Variants in CDH22 observed in about 807,000 individuals in gnomAD.
CDH22 encodes cadherin 22.
In CDH22, 30 loss-of-function variants were observed where a neutral mutation model predicts 58.4. The observed-to-expected ratio is 0.51, with a 90% CI of 0.38 to 0.70. CDH22 has a LOEUF of 0.70. CDH22 is among the 30% of genes least tolerant of loss of function. The pLI is 0.00. For missense variants in CDH22, 1,014 were observed against 1,233.9 expected, an observed-to-expected ratio of 0.82 and a Z score of 2.67; for synonymous variants, 513 against 558.2, an observed-to-expected ratio of 0.92 and a Z score of 1.14.
At chr20:46,306,077 G>C (rs959466840) in intron 1 of CDH22, among the ~76,000 whole-genome samples, 1 of 152,264 alleles carries the variant, frequency 6.6e-6, no homozygotes, top group Non-Finnish European at 1.5e-5. Flanking sequence ...GCTACTCGGC[G>C]TCTCTGCTAA....
At chr20:46,287,549 A>C (rs1458366493) in intron 1 of CDH22, among the ~76,000 whole-genome samples, 1 of 151,804 alleles carries the variant, frequency 6.6e-6, no homozygotes, top group African/African-American at 2.4e-5. Flanking sequence ...GGCTGGATGG[A>C]TTTTGCCAAG....
chr20:46,199,072 C>G (rs997904209), intron 8 of CDH22, among the ~76,000 whole-genome samples: 1 of 152,110 alleles, frequency 6.6e-6, no homozygotes, highest in Admixed American at 6.5e-5. Flanking sequence ...GGCTGGATCC[C>G]CAACCCCTAA....
intron 7 of CDH22, among the ~76,000 whole-genome samples, chr20:46,207,388 G>A (rs551129467): frequency 2.0e-5 from 3 of 152,264 alleles, no homozygotes; most frequent in South Asian, 4.1e-4. Context: ...CTCCCGCTCC[G>A]TGTTCTTACC....
chr20:46,199,747 G>A (rs1285100768), intron 7 of CDH22, among the ~76,000 whole-genome samples, 188 bp from the exon 8 acceptor site: 1 of 152,184 alleles, frequency 6.6e-6, no homozygotes, highest in Non-Finnish European at 1.5e-5. Flanking sequence ...ACGGGTAGCT[G>A]CTGTGACCAT....
chr20:46,260,359 A>G (rs994777013), intron 1 of CDH22, among the ~76,000 whole-genome samples: 1 of 152,132 alleles, frequency 6.6e-6, no homozygotes, highest in Non-Finnish European at 1.5e-5. Context: ...TAGGTCTTGA[A>G]TCCACTTCCA....
intron 1 of CDH22, among the ~76,000 whole-genome samples, chr20:46,267,780 C>T (rs1007885383): frequency 5.9e-5 from 9 of 152,368 alleles, no homozygotes; most frequent in South Asian, 2.1e-4. Flanking sequence ...TACTTATAAA[C>T]GCTGCTTTAA....
chr20:46,187,460 T>A (rs1327928822), intron 8 of CDH22, among the ~76,000 whole-genome samples: 1 of 150,722 alleles, frequency 6.6e-6, no homozygotes, highest in Non-Finnish European at 1.5e-5. Flanking sequence ...GTCATCACCA[T>A]CACTACCATC....
At position 46,223,658 on chromosome 20, in the gene CDH22, TTTCTTTCC is replaced by T. The variant is rs1429709088; in HGVS notation, c.670+3842_670+3849del. On this transcript the variant is annotated intron_variant, in intron 4 of 11. Coordinates refer to ENST00000537909, the MANE Select transcript of CDH22 (RefSeq NM_021248.3). ...CTTTCTTTCTTTCTTTCTCTTTCTT[TTTCTTTCC>T]TTCTTTCTTTCTTTCTTTCTTTCTT... Among the ~76,000 whole-genome samples the T allele has an allele frequency of 8.6e-4, 116 of 135,394 alleles. 2 individuals carry two copies. Among genetic ancestry groups the T allele is most frequent in the Middle Eastern group, 3.8e-3 (1 of 266 alleles). The allele number at this position is 135,394 out of a possible 152,430, so 88.8% of individuals were successfully genotyped here. A position where few individuals can be genotyped will look rare whatever the true frequency, so the allele number is the denominator to read the frequency against.
intron 2 of CDH22, among the ~76,000 whole-genome samples, chr20:46,245,060 A>G (rs1180897450): frequency 6.6e-6 from 1 of 152,148 alleles, no homozygotes; most frequent in Non-Finnish European, 1.5e-5. Flanking sequence ...GAAGATTCAT[A>G]AGATAATATA....
intron 1 of CDH22, among the ~76,000 whole-genome samples, chr20:46,274,467 G>C (rs1222878927): frequency 6.6e-6 from 1 of 152,146 alleles, no homozygotes; most frequent in Non-Finnish European, 1.5e-5. Flanking sequence ...TTCCATCCTT[G>C]TTCCACTGTA....
intron 7 of CDH22, among the ~76,000 whole-genome samples, chr20:46,203,099 G>A (rs2085973974): frequency 6.6e-6 from 1 of 152,098 alleles, no homozygotes; most frequent in Non-Finnish European, 1.5e-5. Flanking sequence ...GGGAAGGGAG[G>A]GGCTGGAATC....
chr20:46,199,615 T>C lies in CDH22; in HGVS notation c.1287-56A>G, dbSNP rs1327943935. Reference sequence around the variant, plus strand: ...GTGCCCCAGTGCCAAATGGAGCCCATGTCCTTTTCTCCCAACCCCACTCCA... The same window carrying C: ...GTGCCCCAGTGCCAAATGGAGCCCACGTCCTTTTCTCCCAACCCCACTCCA... On this transcript the variant is annotated intron_variant, in intron 7 of 11. Coordinates refer to ENST00000537909, the MANE Select transcript of CDH22 (RefSeq NM_021248.3). 7.0e-6 allele frequency: 11 copies of C among 1,579,224 alleles called. No homozygotes were observed. The Admixed American group carries it at 1.8e-4, about 26-fold the overall frequency.
chr20:46,181,752 C>CTTCGTTCTTTCTTTCTTTCTTTCT, intron 10 of CDH22, among the ~76,000 whole-genome samples: 2 of 26,264 alleles, frequency 7.6e-5, no homozygotes, highest in South Asian at 2.8e-3. Context: ...TCCTTCCTTC[C>CTTCGTTCTTTCTTTCTTTCTTTCT]TTCTTTCTTT....
At chr20:46,236,632 T>C (rs1343047881) in intron 3 of CDH22, among the ~76,000 whole-genome samples, 1 of 135,320 alleles carries the variant, frequency 7.4e-6, no homozygotes, top group Non-Finnish European at 1.5e-5. Context: ...TCTATATTTG[T>C]ATATATTTAT....
intron 8 of CDH22, among the ~76,000 whole-genome samples, chr20:46,192,829 C>T (rs1490157611): frequency 1.3e-5 from 2 of 151,962 alleles, no homozygotes; most frequent in East Asian, 1.9e-4. Context: ...GTGAGGCGCA[C>T]GGGACGAGCA....
At chr20:46,177,562 C>G (rs938786778) in intron 11 of CDH22, among the ~76,000 whole-genome samples, 1 of 152,132 alleles carries the variant, frequency 6.6e-6, no homozygotes, top group Non-Finnish European at 1.5e-5. Context: ...TGACCCCCAG[C>G]GCTTTCATCT....
At chr20:46,233,102 G>C (rs370458871) in intron 3 of CDH22, among the ~76,000 whole-genome samples, 1 of 152,192 alleles carries the variant, frequency 6.6e-6, no homozygotes, top group East Asian at 1.9e-4. Flanking sequence ...ATAGAACAGA[G>C]ACAGAGGTAC....
intron 1 of CDH22, among the ~76,000 whole-genome samples, chr20:46,280,071 G>C (rs761366028): frequency 2.6e-5 from 4 of 152,160 alleles, no homozygotes; most frequent in Non-Finnish European, 5.9e-5. Context: ...AGTCACACCT[G>C]GGGCTGTCTG....
chr20:46,181,759 CTTTCTTTCT>C (rs1568649884), intron 10 of CDH22, among the ~76,000 whole-genome samples: 1 of 116,548 alleles, frequency 8.6e-6, no homozygotes, highest in African/African-American at 3.3e-5. Context: ...TTCCTTCTTT[CTTTCTTTCT>C]TTCTTTCTTT....
Sources: allele counts gnomAD v4.1 joint callset (sites outside exome capture counted in the v4.1 genomes callset), GRCh38; gene constraint gnomAD v4.1.1; transcripts MANE v1.5; gene names NCBI Gene and HGNC (gene_info 2026-07-23, HGNC 2026-07-21).